ZAP70: variants seen among roughly 807,000 people sequenced by gnomAD.
ZAP70 encodes tyrosine-protein kinase ZAP-70.
In ZAP70, 27 loss-of-function variants were observed where a neutral mutation model predicts 65.8. The ratio of observed to expected loss-of-function variants is 0.41; its 90% CI spans 0.30 to 0.57. The LOEUF (loss-of-function observed/expected upper bound fraction) is 0.57. Among genes scored for constraint, ZAP70 ranks in the 20% least tolerant of loss-of-function variants. The pLI is 0.28. For synonymous variants in ZAP70, 363 were observed against 360.8 expected (o/e 1.01, Z -0.07); for missense variants, 696 against 870.5 (o/e 0.80, Z 2.52).
chr2:97,740,886 T>C (rs1020003852), downstream of ZAP70, among the ~76,000 whole-genome samples: 1 of 152,092 alleles, frequency 6.6e-6, no homozygotes, highest in Non-Finnish European at 1.5e-5. Flanking sequence ...AGTCAAAGGA[T>C]TGAGAAAAAG....
chr2:97,722,447 G>A (rs1335610422), intron 2 of ZAP70, among the ~76,000 whole-genome samples: 1 of 152,236 alleles, frequency 6.6e-6, no homozygotes. Flanking sequence ...CCCAACCATA[G>A]TGCTGAAATG....
At chr2:97,741,770 A>G (rs575159822), downstream of ZAP70, among the ~76,000 whole-genome samples, 4 of 152,216 alleles carry the variant, frequency 2.6e-5, no homozygotes, top group Non-Finnish European at 5.9e-5. Context: ...CCGTTCCAAG[A>G]CCATACAGAG....
rs1020800762 is a variant in ZAP70 at position 97,731,268 on chromosome 2, G to T, written c.564-1615G>T. 2.6e-5 allele frequency among the ~76,000 whole-genome samples: 4 copies of T among 152,110 alleles called. No homozygotes were observed. The highest frequency in any genetic ancestry group is 9.7e-5 in the African/African-American group (4 of 41,432). On this transcript the variant is annotated intron_variant, in intron 4 of 13. Coordinates refer to ENST00000264972, the MANE Select transcript of ZAP70 (RefSeq NM_001079.4). The surrounding 1 kb of genome is among the most constrained non-coding windows in gnomAD (Gnocchi z 4.0). ...CTTCCACAGCTCTGAGACCCCCAGG[G>T]CCAATAGCCCTCCCTCCTCACTGGA...
chr2:97,739,392 A>G lies in ZAP70; in HGVS notation c.1754A>G (p.Asp585Gly). 6.2e-7 allele frequency: 1 copy of G among 1,613,430 alleles called. No individual in the cohort carries two copies. The highest frequency in any genetic ancestry group is 8.5e-7 in the Non-Finnish European group (1 of 1,179,874). Residue 585 changes from aspartate (D) to glycine (G), a missense_variant, in exon 14 of 14, where the codon GAC (aspartate) becomes GGC (glycine). Physicochemically the swap from Asp to Gly is moderately conservative, Grantham distance 94. Around this residue, in one of 3 missense-constraint regions of ZAP70, gnomAD observed 78 missense variants for 88.6 expected, o/e 0.88. Transcript: ENST00000264972. ...CWIYKWEDRP[D>G]FLTVEQRMRA... ...CCCCACAGGTGGGAGGATCGCCCCG[A>G]CTTCCTGACCGTGGAGCAGCGCATG...
At chr2:97,719,335 TA>T (rs1677070169) in intron 2 of ZAP70, among the ~76,000 whole-genome samples, 5 of 75,446 alleles carry the variant, frequency 6.6e-5, no homozygotes, top group Non-Finnish European at 8.0e-5. Flanking sequence ...ATGACCCAAG[TA>T]AGGGGACGGG....
chr2:97,733,043 T>C, intron 5 of ZAP70, 22 bp downstream of exon 5: 7 of 1,614,000 alleles, frequency 4.3e-6, no homozygotes, highest in Non-Finnish European at 5.9e-6. Context: ...GTGCAACTTG[T>C]TCTGGGAGAT....
At position 97,739,705 on chromosome 2, in the gene ZAP70, C is replaced by A; in HGVS notation, c.*207C>A. ...GGGAGCAGGGAGGTCCGGGAGGGTGCGGCTGTGCAGCCTGTCCTGGGCTGG... is the reference window on the plus strand; with the variant it reads ...GGGAGCAGGGAGGTCCGGGAGGGTGAGGCTGTGCAGCCTGTCCTGGGCTGG... On this transcript the variant is annotated 3_prime_UTR_variant, in exon 14 of 14. Transcript: ENST00000264972. 1.3e-6 allele frequency: 1 copy of A among 792,578 alleles called. No individual in the cohort carries two copies. The highest frequency in any genetic ancestry group is 2.0e-6 in the Non-Finnish European group (1 of 510,324). 49.1% of individuals were successfully genotyped at this position (792,578 alleles called of 1,614,324 possible).
the ZAP70 span, among the ~76,000 whole-genome samples, chr2:97,746,195 C>T: frequency 3.3e-5 from 5 of 152,112 alleles, no homozygotes; most frequent in African/African-American, 1.2e-4. Context: ...CATGGATTCA[C>T]GTTTACAGAG....
At chr2:97,745,652 C>T in the ZAP70 span, among the ~76,000 whole-genome samples, 1 of 152,216 alleles carries the variant, frequency 6.6e-6, no homozygotes, top group East Asian at 1.9e-4. Flanking sequence ...CGTGTGCACA[C>T]ACCGTAACTA....
chr2:97,734,394 C>G (rs1160389634), intron 8 of ZAP70, 126 bp from the exon 9 acceptor site: 9 of 1,449,874 alleles, frequency 6.2e-6, no homozygotes, highest in African/African-American at 1.4e-5. Flanking sequence ...CGCATGGGCA[C>G]CCACCTGCTT....
At chr2:97,741,320 A>C (rs1338659344), downstream of ZAP70, among the ~76,000 whole-genome samples, 1 of 152,126 alleles carries the variant, frequency 6.6e-6, no homozygotes, top group East Asian at 1.9e-4. Flanking sequence ...ACCCTCCTCC[A>C]GGGTTTCCAG....
At chr2:97,735,102 A>G in intron 9 of ZAP70, 148 bp from the exon 10 acceptor site, 1 of 916,488 alleles carries the variant, frequency 1.1e-6, no homozygotes, top group Non-Finnish European at 1.7e-6. Context: ...GGCTGCAGGG[A>G]CATTGAGCGC....
At chr2:97,755,757 T>C in the ZAP70 span, among the ~76,000 whole-genome samples, 1 of 152,316 alleles carries the variant, frequency 6.6e-6, no homozygotes, top group East Asian at 1.9e-4. Flanking sequence ...TGTGCCCCGC[T>C]TCTCTCCTTT....
At chr2:97,753,830 T>TA in the ZAP70 span, among the ~76,000 whole-genome samples, 1 of 150,988 alleles carries the variant, frequency 6.6e-6, no homozygotes, top group African/African-American at 2.4e-5. Flanking sequence ...AATAAAAAAA[T>TA]AAAAAAAAAT....
At chr2:97,732,742 G>A in intron 4 of ZAP70, 141 bp from the exon 5 acceptor site, 1 of 1,256,408 alleles carries the variant, frequency 8.0e-7, no homozygotes, top group Non-Finnish European at 1.1e-6. Flanking sequence ...ATGGGGGCCT[G>A]GCCTGGCTTC....
rs530611066 is a variant in ZAP70 at position 97,736,812 on chromosome 2, C to T, written c.1290-661C>T. On this transcript the variant is annotated intron_variant, in intron 10 of 13. Transcript: ENST00000264972. The surrounding 1 kb of genome is among the most constrained non-coding windows in gnomAD (Gnocchi z 4.0). ...GATGAGCAGACCGTGCCAGGCCTTGCGGGCTGCCAGGAGGACTTGGAGTTT... is the reference window on the plus strand; with the variant it reads ...GATGAGCAGACCGTGCCAGGCCTTGTGGGCTGCCAGGAGGACTTGGAGTTT... Among the ~76,000 whole-genome samples the T allele has an allele frequency of 2.6e-5, 4 of 152,016 alleles. No individual in the cohort carries two copies. Among genetic ancestry groups the T allele is most frequent in the African/African-American group, 7.3e-5 (3 of 41,370 alleles).
downstream of ZAP70, among the ~76,000 whole-genome samples, chr2:97,741,149 A>AG (rs1678117093): frequency 6.6e-6 from 1 of 152,184 alleles, no homozygotes; most frequent in Non-Finnish European, 1.5e-5. Context: ...TAGGAAGGCT[A>AG]GAAGCAAGGA....
the ZAP70 span, among the ~76,000 whole-genome samples, chr2:97,748,525 T>G: frequency 4.6e-5 from 7 of 152,018 alleles, no homozygotes; most frequent in African/African-American, 1.7e-4. Context: ...ACTGCAGGGG[T>G]GTTCTCCATG....
In ZAP70 at chr2:97,737,251, G is replaced by T. The variant is rs917763938; in HGVS notation, c.1290-222G>T. Among the ~76,000 whole-genome samples, 7 of 152,132 alleles carry T rather than the reference G, an allele frequency of 4.6e-5. No individual in the cohort carries two copies. Among genetic ancestry groups the T allele is most frequent in the African/African-American group, 1.7e-4 (7 of 41,414 alleles). ...CTAGACTTGGGAGTCGTAGCGTGTG[G>T]GTGATCCCTAAAGCCTTGAGACTGG... On this transcript the variant is annotated intron_variant, in intron 10 of 13. Coordinates refer to ENST00000264972, the MANE Select transcript of ZAP70 (RefSeq NM_001079.4). This position sits in a 1 kb window ranked among gnomAD's most constrained non-coding sequence, Gnocchi z 5.0.
Sources: allele counts gnomAD v4.1 joint callset (sites outside exome capture counted in the v4.1 genomes callset), GRCh38; gene constraint gnomAD v4.1.1; regional missense constraint gnomAD v4.1.1; non-coding constraint Gnocchi (gnomAD v3.1); transcripts MANE v1.5; gene names NCBI Gene and HGNC (gene_info 2026-07-23, HGNC 2026-07-21).